Variants in DAZL observed in about 807,000 individuals in gnomAD.
DAZL encodes the protein deleted in azoospermia like, also known as deleted in azoospermia-like.
A neutral mutation model predicts 45.0 loss-of-function variants in DAZL; 4 were observed. The ratio of observed to expected loss-of-function variants is 0.09; its 90% confidence interval spans 0.04 to 0.20. The LOEUF (loss-of-function observed/expected upper bound fraction) is 0.20, where lower values mean the gene tolerates loss of function less well. Among genes scored for constraint, DAZL ranks in the 10% least tolerant of loss-of-function variants. The pLI, the probability that DAZL is intolerant of heterozygous loss-of-function variation, is 1.00. For synonymous variants in DAZL, 122 were observed against 112.4 expected (o/e 1.09, Z -0.54); for missense variants, 326 against 351.3 (o/e 0.93, Z 0.58).
chr3:16,604,787 G>C, intron 1 of DAZL: 3 of 1,355,136 alleles, frequency 2.2e-6, no homozygotes, highest in Non-Finnish European at 2.8e-6. Context: ...AGGCGCGTGG[G>C]AGTGGGGGAG....
At position 16,596,969 on chromosome 3, in the gene DAZL, A is replaced by C. The variant is rs1365570208; in HGVS notation, c.358+19T>G. On this transcript the variant is annotated intron_variant, in intron 5 of 10. Transcript: ENST00000399444. ...AATTTCTTTTATGTTTAAAAAGAAC[A>C]ATTTCTTTTTGTACTCACATAAATT... The C allele has an allele frequency of 6.2e-7, 1 of 1,612,668 alleles. No individual in the cohort carries two copies. Among genetic ancestry groups the C allele is most frequent in the Non-Finnish European group, 8.5e-7 (1 of 1,178,924 alleles).
chr3:16,594,513 GT>G lies in DAZL; in HGVS notation c.621+19del. On this transcript the variant is annotated intron_variant, in intron 8 of 10. Coordinates refer to ENST00000399444, the MANE Select transcript of DAZL (RefSeq NM_001351.4). ...TACTTTAAAATAACAGGAATTATAT[GT>G]TTGGCTAATTCACTTTACCGGAGGT... The G allele has an allele frequency of 6.4e-7, 1 of 1,557,762 alleles. No homozygotes were observed. The highest frequency in any genetic ancestry group is 1.2e-5 in the South Asian group (1 of 82,892).
chr3:16,600,596 TACAG>T (rs1264816926), intron 1 of DAZL, among the ~76,000 whole-genome samples: 1 of 152,224 alleles, frequency 6.6e-6, no homozygotes, highest in Admixed American at 6.5e-5. Context: ...ATTTCCCCCC[TACAG>T]ACAATTTACC....
chr3:16,595,295 T>G lies in DAZL; in HGVS notation c.570+19A>C, dbSNP rs569380170. 1 of 1,388,556 alleles carries G rather than the reference T, an allele frequency of 7.2e-7. No individual in the cohort carries two copies. Among genetic ancestry groups the G allele is most frequent in the South Asian group, 1.3e-5 (1 of 74,416 alleles). The allele number at this position is 1,388,556 out of a possible 1,614,324, so 86.0% of individuals were successfully genotyped here. Reference sequence around the variant, plus strand: ...CAATAAAATCTGAAAGTAAATCATTTTACTCCCTTTTAAATTACCTGATAA... The same window carrying G: ...CAATAAAATCTGAAAGTAAATCATTGTACTCCCTTTTAAATTACCTGATAA... On this transcript the variant is annotated intron_variant, in intron 7 of 10. Coordinates refer to ENST00000399444, the MANE Select transcript of DAZL (RefSeq NM_001351.4).
intron 1 of DAZL, chr3:16,604,373 A>G (rs1694740570): frequency 1.8e-5 from 25 of 1,356,282 alleles, no homozygotes; most frequent in Non-Finnish European, 2.5e-5. Context: ...TGGTTTATCG[A>G]GAGGGAAAAA....
chr3:16,605,122 T>A, intron 1 of DAZL, 81 bp downstream of exon 1: 1 of 1,576,684 alleles, frequency 6.3e-7, no homozygotes, highest in African/African-American at 1.3e-5. Flanking sequence ...ATGACTTCAC[T>A]TTCCGACCCT....
Position 16,592,057 on chromosome 3 carries a change from T to G in DAZL, c.827A>C (p.Tyr276Ser). Residue 276 changes from tyrosine to serine, a missense_variant, in exon 10 of 11, where the codon TAC becomes TCC. Tyr to Ser is a moderately radical substitution (Grantham distance 144, BLOSUM62 -2). This residue lies in a region of DAZL where 227 missense variants were observed against 216.6 expected (regional missense o/e 1.05). Coordinates refer to ENST00000399444, the MANE Select transcript of DAZL (RefSeq NM_001351.4). ...TAACTGTTATATTCATACCTTGAAG[T>G]AGTCATCTTGAGTAACAACAGAGTT... ...LRNSVVTQDD[Y>S]FKDKRVHHFR... The G allele has an allele frequency of 6.2e-7, 1 of 1,612,746 alleles. No individual in the cohort carries two copies. Among genetic ancestry groups the G allele is most frequent in the Non-Finnish European group, 8.5e-7 (1 of 1,178,850 alleles).
chr3:16,594,394 A>G (rs751914569), intron 8 of DAZL, 139 bp downstream of exon 8: 75 of 661,040 alleles, frequency 1.1e-4, no homozygotes, highest in Non-Finnish European at 1.7e-4. Flanking sequence ...AAAGAAAGTA[A>G]CAAAATGTAA....
At chr3:16,593,561 A>G (rs1020194383) in intron 9 of DAZL, 94 bp downstream of exon 9, 1 of 849,752 alleles carries the variant, frequency 1.2e-6, no homozygotes, top group Non-Finnish European at 1.8e-6. Context: ...TTCAATTACA[A>G]ATTTCTGCTG....
intron 6 of DAZL, among the ~76,000 whole-genome samples, chr3:16,596,389 C>CAA (rs1174846699): frequency 6.6e-6 from 1 of 151,818 alleles, no homozygotes; most frequent in Non-Finnish European, 1.5e-5. Context: ...GAAATCATTG[C>CAA]AAATAAAGAA....
chr3:16,604,609 A>G, intron 1 of DAZL: 2 of 1,376,742 alleles, frequency 1.5e-6, no homozygotes, highest in Non-Finnish European at 1.9e-6. Flanking sequence ...CCCCACGCTG[A>G]GGCCCCCACG....
intron 1 of DAZL, among the ~76,000 whole-genome samples, chr3:16,600,436 T>A (rs887436532): frequency 6.6e-6 from 1 of 152,220 alleles, no homozygotes; most frequent in African/African-American, 2.4e-5. Flanking sequence ...TAATTCCTAA[T>A]TCTTTCTTTT....
In DAZL at chr3:16,595,306, T is replaced by A; in HGVS notation, c.570+8A>T. 1 of 1,488,116 alleles carries A rather than the reference T, an allele frequency of 6.7e-7. No homozygotes were observed. The highest frequency in any genetic ancestry group is 9.2e-7 in the Non-Finnish European group (1 of 1,087,680). 92.2% of individuals were successfully genotyped at this position (1,488,116 alleles called of 1,614,324 possible). A position where few individuals can be genotyped will look rare whatever the true frequency, so the allele number is the denominator to read the frequency against. On this transcript the variant is annotated splice_region_variant and intron_variant, in intron 7 of 10. Coordinates refer to ENST00000399444, the MANE Select transcript of DAZL (RefSeq NM_001351.4). ...GAAAGTAAATCATTTTACTCCCTTT[T>A]AAATTACCTGATAATTATATACAGG... is the stretch of plus-strand genomic sequence containing the variant.
At chr3:16,594,141 T>G (rs1256866302) in intron 8 of DAZL, among the ~76,000 whole-genome samples, 1 of 152,214 alleles carries the variant, frequency 6.6e-6, no homozygotes, top group South Asian at 2.1e-4. Context: ...TTAACAGTAA[T>G]TAACAGCAAA....
At position 16,605,262 on chromosome 3, in the gene DAZL, G is replaced by A. The variant is rs1694761713; in HGVS notation, c.-57C>T. 2.5e-6 allele frequency: 4 copies of A among 1,611,614 alleles called. No homozygotes were observed. In the African/African-American group the frequency reaches 5.3e-5, roughly 21 times the overall value. On this transcript the variant is annotated 5_prime_UTR_variant, in exon 1 of 11. Coordinates refer to ENST00000399444, the MANE Select transcript of DAZL (RefSeq NM_001351.4). ...CCAGGAGGAGCAGAGGCTGTGCTTGGCGCACCACTTCTGGGGCTGCTGTGA... is the reference window on the plus strand; with the variant it reads ...CCAGGAGGAGCAGAGGCTGTGCTTGACGCACCACTTCTGGGGCTGCTGTGA...
intron 1 of DAZL, among the ~76,000 whole-genome samples, chr3:16,603,607 A>C (rs1006480589): frequency 7.9e-5 from 12 of 152,166 alleles, no homozygotes; most frequent in Non-Finnish European, 5.9e-5. Context: ...TCAGCCTCCT[A>C]AAGAGATTGA....
intron 4 of DAZL, 107 bp from the exon 5 acceptor site, chr3:16,597,158 A>C: frequency 7.8e-7 from 1 of 1,279,272 alleles, no homozygotes; most frequent in Non-Finnish European, 1.1e-6. Context: ...ATAGAAGATC[A>C]GTGATAACTA....
At chr3:16,592,497 A>G (rs1185751025) in intron 9 of DAZL, among the ~76,000 whole-genome samples, 1 of 151,484 alleles carries the variant, frequency 6.6e-6, no homozygotes, top group Non-Finnish European at 1.5e-5. Flanking sequence ...TGAATCCAGG[A>G]GGTGGAAATT....
rs768230156 is a variant in DAZL at position 16,596,989 on chromosome 3, T to G, written c.357A>C (p.Leu119Phe). The G allele has an allele frequency of 6.2e-6, 10 of 1,612,858 alleles. No individual in the cohort carries two copies. Among genetic ancestry groups the G allele is most frequent in the Non-Finnish European group, 8.5e-6 (10 of 1,179,522 alleles). ...AGAACAATTTCTTTTTGTACTCACATAAATTTTGTTTCCTGATTGCAGGGC... is the reference window on the plus strand; with the variant it reads ...AGAACAATTTCTTTTTGTACTCACAGAAATTTTGTTTCCTGATTGCAGGGC... ...KLGPAIRKQN[L>F]CAYHVQPRPL... is the part of the protein sequence containing the mutation. The change falls in exon 5 of 11, where the codon TTA becomes TTC. Residue 119 changes from leucine (L) to phenylalanine (F), a missense_variant and splice_region_variant. By Grantham distance (22) the Leu-to-Phe change is conservative. Transcript: ENST00000399444.
Sources: gnomAD v4.1 joint callset for allele counts (sites outside exome capture counted in the v4.1 genomes callset) on GRCh38, gnomAD v4.1.1 for gene constraint, gnomAD v4.1.1 regional missense constraint, MANE v1.5 for transcripts, NCBI Gene and HGNC (gene_info 2026-07-23, HGNC 2026-07-21) for gene names.